CHN1: variants seen among roughly 807,000 people sequenced by gnomAD.
The protein encoded by CHN1 is N-chimaerin.
A neutral mutation model predicts 59.5 loss-of-function variants in CHN1; 37 were observed. The observed-to-expected ratio is 0.62, with a 90% CI of 0.48 to 0.82. The LOEUF is 0.82. CHN1 is among the 40% of genes least tolerant of loss of function. The pLI is 0.00. For synonymous variants in CHN1, 206 were observed against 200.4 expected, an observed-to-expected ratio of 1.03 and a Z score of -0.24; for missense variants, 469 against 571.0, an observed-to-expected ratio of 0.82 and a Z score of 1.82.
chr2:174,955,108 T>C (rs1690148307), intron 1 of CHN1, among the ~76,000 whole-genome samples: 1 of 147,904 alleles, frequency 6.8e-6, no homozygotes, highest in South Asian at 2.1e-4. Flanking sequence ...TATATATAGA[T>C]CTATAGATCT....
chr2:174,830,188 G>A (rs757861572), intron 7 of CHN1, among the ~76,000 whole-genome samples: 3 of 151,818 alleles, frequency 2.0e-5, no homozygotes, highest in Non-Finnish European at 4.4e-5. Flanking sequence ...AGCCGAGATC[G>A]TGCCACTGCA....
intron 1 of CHN1, among the ~76,000 whole-genome samples, chr2:174,987,027 C>T (rs1426986456): frequency 2.6e-5 from 4 of 152,198 alleles, no homozygotes; most frequent in Admixed American, 6.5e-5. Flanking sequence ...TGAGCCACCA[C>T]GCCCAGCCGA....
At chr2:174,874,036 T>C (rs1474735346) in intron 6 of CHN1, among the ~76,000 whole-genome samples, 1 of 152,234 alleles carries the variant, frequency 6.6e-6, no homozygotes, top group Non-Finnish European at 1.5e-5. Context: ...TGGCTCACAG[T>C]ATGGCTTCAG....
chr2:175,005,052 G>A lies in CHN1; in HGVS notation c.-140C>T. 4 of 1,371,620 alleles carry A rather than the reference G, an allele frequency of 2.9e-6. No individual in the cohort carries two copies. Among genetic ancestry groups the A allele is most frequent in the East Asian group, 3.1e-5 (1 of 32,004 alleles). 85.0% of individuals were successfully genotyped at this position (1,371,620 alleles called of 1,614,324 possible). A position where few individuals can be genotyped will look rare whatever the true frequency, so the allele number is the denominator to read the frequency against. On this transcript the variant is annotated 5_prime_UTR_variant, in exon 1 of 13. Coordinates refer to ENST00000409900, the MANE Select transcript of CHN1 (RefSeq NM_001822.7). Reference sequence around the variant, plus strand: ...CGTGCTGGGGGCGCCGGCGCCCGGGGAGGCTGCAGGCCGGGACGCGGGGGA... The same window carrying A: ...CGTGCTGGGGGCGCCGGCGCCCGGGAAGGCTGCAGGCCGGGACGCGGGGGA...
At chr2:174,808,741 A>G (rs897087050) in intron 11 of CHN1, among the ~76,000 whole-genome samples, 164 bp downstream of exon 11, 10 of 152,242 alleles carry the variant, frequency 6.6e-5, no homozygotes, top group Non-Finnish European at 1.2e-4. Context: ...TCATAAAATA[A>G]TCTACGTTAG....
intron 1 of CHN1, among the ~76,000 whole-genome samples, chr2:174,978,392 C>T (rs1009872324): frequency 6.6e-6 from 1 of 152,114 alleles, no homozygotes; most frequent in South Asian, 2.1e-4. Context: ...ATTTGCAAGC[C>T]CCTTGTTCAA....
At chr2:175,000,023 T>C (rs1408403376) in intron 1 of CHN1, among the ~76,000 whole-genome samples, 1 of 152,146 alleles carries the variant, frequency 6.6e-6, no homozygotes, top group African/African-American at 2.4e-5. Flanking sequence ...ATCAGAGTTA[T>C]AACAACTATA....
chr2:174,866,948 C>T (rs1482693383), intron 6 of CHN1, among the ~76,000 whole-genome samples: 1 of 151,840 alleles, frequency 6.6e-6, no homozygotes, highest in African/African-American at 2.4e-5. Context: ...TAAATAAATG[C>T]TGCTTTTTAG....
At chr2:174,896,077 T>C (rs955615816) in intron 5 of CHN1, among the ~76,000 whole-genome samples, 19 of 152,004 alleles carry the variant, frequency 1.2e-4, no homozygotes, top group African/African-American at 3.9e-4. Context: ...TTTTAAATTA[T>C]AGGAGTTGGA....
At chr2:174,813,665 T>C (rs1685148346) in intron 8 of CHN1, among the ~76,000 whole-genome samples, 1 of 152,214 alleles carries the variant, frequency 6.6e-6, no homozygotes, top group African/African-American at 2.4e-5. Context: ...CTAAAATAAA[T>C]GTCATCTTTT....
chr2:174,884,118 G>A (rs886415992), intron 5 of CHN1, among the ~76,000 whole-genome samples: 9 of 151,834 alleles, frequency 5.9e-5, no homozygotes, highest in South Asian at 2.1e-4. Context: ...ACAGGCACCC[G>A]CCACCATGCC....
At chr2:174,956,182 A>C (rs978640362) in intron 1 of CHN1, among the ~76,000 whole-genome samples, 1 of 152,222 alleles carries the variant, frequency 6.6e-6, no homozygotes, top group Non-Finnish European at 1.5e-5. Context: ...TTGAGAGAGG[A>C]GTAAAATATC....
At chr2:174,971,281 G>GGT (rs1408822195) in intron 1 of CHN1, among the ~76,000 whole-genome samples, 19 of 152,272 alleles carry the variant, frequency 1.2e-4, no homozygotes, top group Non-Finnish European at 2.2e-4. Context: ...TCGTGCCACT[G>GGT]CACTCCAGCC....
At chr2:174,927,903 G>A (rs1689223760) in intron 3 of CHN1, among the ~76,000 whole-genome samples, 1 of 151,972 alleles carries the variant, frequency 6.6e-6, no homozygotes, top group Non-Finnish European at 1.5e-5. Flanking sequence ...TGACTACACT[G>A]GCAAAATAGT....
chr2:174,937,098 T>C (rs952414444), intron 3 of CHN1, among the ~76,000 whole-genome samples: 2 of 152,248 alleles, frequency 1.3e-5, no homozygotes, highest in South Asian at 2.1e-4. Context: ...TTTTGCATTT[T>C]AGAGTTCTGC....
intron 5 of CHN1, among the ~76,000 whole-genome samples, chr2:174,881,054 A>G (rs1687718536): frequency 6.6e-6 from 1 of 151,992 alleles, no homozygotes; most frequent in Non-Finnish European, 1.5e-5. Context: ...CTCAAAAAAA[A>G]AAAAAAAAGT....
At chr2:174,941,671 T>C (rs1320956519) in intron 3 of CHN1, among the ~76,000 whole-genome samples, 1 of 152,202 alleles carries the variant, frequency 6.6e-6, no homozygotes, top group Non-Finnish European at 1.5e-5. Context: ...CTACTCCTTA[T>C]GATAATTGTT....
At chr2:174,924,447 T>A (rs1689111134) in intron 3 of CHN1, among the ~76,000 whole-genome samples, 1 of 152,212 alleles carries the variant, frequency 6.6e-6, no homozygotes, top group Non-Finnish European at 1.5e-5. Context: ...GCCTCCTTGG[T>A]GTTTTCACTT....
intron 6 of CHN1, among the ~76,000 whole-genome samples, chr2:174,865,499 T>G (rs1488632722): frequency 1.3e-5 from 2 of 152,140 alleles, no homozygotes; most frequent in Non-Finnish European, 2.9e-5. Flanking sequence ...CCCAAAGATC[T>G]CCATGTTAAT....
Sources: allele counts gnomAD v4.1 joint callset (sites outside exome capture counted in the v4.1 genomes callset), GRCh38; gene constraint gnomAD v4.1.1; transcripts MANE v1.5; gene names NCBI Gene and HGNC (gene_info 2026-07-23, HGNC 2026-07-21).